XIRP2: variants seen among roughly 807,000 people sequenced by gnomAD.
The protein encoded by XIRP2 is xin actin-binding repeat-containing protein 2.
In XIRP2, 236 loss-of-function variants were observed where a neutral mutation model predicts 277.0. The ratio of observed to expected loss-of-function variants is 0.85; its 90% CI spans 0.77 to 0.95. The LOEUF (loss-of-function observed/expected upper bound fraction) is 0.95. Ranked by LOEUF, XIRP2 falls within the 40% of genes least tolerant of loss-of-function variation. The probability of loss-of-function intolerance (pLI) is 0.00; values close to 1 mark genes in which losing one functional copy is unlikely to be tolerated. For synonymous variants in XIRP2, 1,490 were observed against 1,416.5 expected (o/e 1.05, Z -1.17); for missense variants, 4,640 against 4,157.5 (o/e 1.12, Z -3.19).
rs773863087 is a variant in XIRP2 at position 167,258,086 on chromosome 2, T to G, written c.*269T>G. 6.2e-7 allele frequency: 1 copy of G among 1,613,048 alleles called. No homozygotes were observed. Among genetic ancestry groups the G allele is most frequent in the Non-Finnish European group, 8.5e-7 (1 of 1,179,528 alleles). ...TGTACCTGGAGATCGTAATGAACATTTAGATGCTGGTAACAGTGAAGGGCA... is the reference window on the plus strand; with the variant it reads ...TGTACCTGGAGATCGTAATGAACATGTAGATGCTGGTAACAGTGAAGGGCA... On this transcript the variant is annotated 3_prime_UTR_variant, in exon 11 of 11. Coordinates refer to ENST00000409195, the MANE Select transcript of XIRP2 (RefSeq NM_152381.6).
chr2:166,974,625 C>T (rs557778218), intron 2 of XIRP2, among the ~76,000 whole-genome samples: 17 of 151,854 alleles, frequency 1.1e-4, no homozygotes, highest in African/African-American at 4.1e-4. Flanking sequence ...AGTAGCAATG[C>T]TTCTAGATGA....
At chr2:167,223,495 C>T (rs7603405) in intron 5 of XIRP2, among the ~76,000 whole-genome samples, 22,945 of 152,138 alleles carry the variant, frequency 0.15, 2,142 homozygotes, top group African/African-American at 0.27. Flanking sequence ...CTAGACAATG[C>T]TAGGTCAATA....
In XIRP2 at chr2:167,064,869, G is replaced by A. The variant is rs577981585; in HGVS notation, c.409-71040G>A. ...TAAGGCTGAATAATCTTCCACTATA[G>A]GTATATACCTCATTTTGTTGATCCA... On this transcript the variant is annotated intron_variant, in intron 2 of 10. Transcript: ENST00000409195. Among the ~76,000 whole-genome samples, 62 of 151,848 alleles carry A rather than the reference G, an allele frequency of 4.1e-4. 2 individuals carry two copies. In the South Asian group the frequency reaches 0.012, roughly 30 times the overall value.
At chr2:167,175,670 T>C (rs1692821211) in intron 3 of XIRP2, among the ~76,000 whole-genome samples, 1 of 152,146 alleles carries the variant, frequency 6.6e-6, no homozygotes, top group Admixed American at 6.5e-5. Flanking sequence ...AACGCTGTCC[T>C]TGGAGATGCA....
Position 167,056,768 on chromosome 2 carries a change from C to T in XIRP2, c.409-79141C>T, listed in dbSNP as rs74620142. ...GTCATTTTTTGTCTGAGCTTAGAAA[C>T]ATATATTCTTAATGCAGATGTCTCC... On this transcript the variant is annotated intron_variant, in intron 2 of 10. Coordinates refer to ENST00000409195, the MANE Select transcript of XIRP2 (RefSeq NM_152381.6). 4.7e-3 allele frequency among the ~76,000 whole-genome samples: 721 copies of T among 152,184 alleles called. 2 individuals are homozygous for T. Among genetic ancestry groups the T allele is most frequent in the Non-Finnish European group, 8.4e-3 (573 of 67,996 alleles).
chr2:167,024,006 G>A (rs1159086390), intron 2 of XIRP2, among the ~76,000 whole-genome samples: 1 of 152,112 alleles, frequency 6.6e-6, no homozygotes, highest in Non-Finnish European at 1.5e-5. Flanking sequence ...GTCATTGGTA[G>A]CTTGATGGGG....
At chr2:167,115,493 T>A (rs1472900057) in intron 2 of XIRP2, among the ~76,000 whole-genome samples, 2 of 152,204 alleles carry the variant, frequency 1.3e-5, no homozygotes, top group Non-Finnish European at 2.9e-5. Flanking sequence ...ATTCCTTCAG[T>A]CTTTGAAGTT....
chr2:167,232,451 A>G (rs1183435021), intron 5 of XIRP2, among the ~76,000 whole-genome samples: 1 of 150,842 alleles, frequency 6.6e-6, no homozygotes, highest in Non-Finnish European at 1.5e-5. Context: ...AGAAAAAAAA[A>G]TGTACATATT....
chr2:167,203,848 T>C (rs990365740), intron 3 of XIRP2, among the ~76,000 whole-genome samples: 3 of 152,240 alleles, frequency 2.0e-5, no homozygotes, highest in Admixed American at 2.0e-4. Context: ...TCTGAGCCTA[T>C]GATATGTGTA....
intron 2 of XIRP2, among the ~76,000 whole-genome samples, chr2:167,019,688 C>A (rs1191190444): frequency 1.3e-5 from 2 of 152,002 alleles, no homozygotes; most frequent in East Asian, 3.9e-4. Context: ...AAAAGATTTT[C>A]TCATTGATTA....
At position 167,219,127 on chromosome 2, in the gene XIRP2, G is replaced by A. The variant is rs1307592250; in HGVS notation, c.858+827G>A. On this transcript the variant is annotated intron_variant, in intron 5 of 10. Coordinates refer to ENST00000409195, the MANE Select transcript of XIRP2 (RefSeq NM_152381.6). Reference sequence around the variant, plus strand: ...AAGCAATTGCGTGCTATGTGTGGCAGGGGATGAGGCGGCATATCAGGTAGA... The same window carrying A: ...AAGCAATTGCGTGCTATGTGTGGCAAGGGATGAGGCGGCATATCAGGTAGA... 2.0e-5 allele frequency among the ~76,000 whole-genome samples: 3 copies of A among 152,054 alleles called. No homozygotes were observed. The East Asian group carries it at 5.8e-4, about 29-fold the overall frequency.
chr2:167,257,876 C>T lies in XIRP2; in HGVS notation c.*59C>T, dbSNP rs1187168773. 1.3e-6 allele frequency: 2 copies of T among 1,598,870 alleles called. No individual in the cohort carries two copies. The highest frequency in any genetic ancestry group is 1.1e-5 in the South Asian group (1 of 88,088). On this transcript the variant is annotated 3_prime_UTR_variant, in exon 11 of 11. Transcript: ENST00000409195. ...TGGCAGTTTGGGAAATTATGCATCA[C>T]TTCATGGACAAATATACTGTAAACC...
chr2:167,056,059 TAAGATTTGTTA>T (rs1689029351), intron 2 of XIRP2, among the ~76,000 whole-genome samples: 1 of 152,188 alleles, frequency 6.6e-6, no homozygotes, highest in African/African-American at 2.4e-5. Flanking sequence ...TTCGAAAAGT[TAAGATTTGTTA>T]AAGATATATA....
chr2:167,095,557 A>G, intron 2 of XIRP2, among the ~76,000 whole-genome samples: 1 of 152,162 alleles, frequency 6.6e-6, no homozygotes, highest in Middle Eastern at 3.2e-3. Flanking sequence ...TCTTTTCTGC[A>G]TCTATTGAGA....
Position 167,239,927 on chromosome 2 carries a change from T to C in XIRP2, c.931T>C (p.Ser311Pro). The change falls in exon 6 of 11, where the codon TCC becomes CCC. Residue 311 changes from serine (S) to proline (P), a missense_variant. Transcript: ENST00000409195. ...QEMARNEQEG[S>P]KVQKIDVHGT... ...AATGGCAAGAAATGAACAAGAAGGG[T>C]CCAAAGTACAGAAAATTGATGTTCA... 1 of 1,603,188 alleles carries C rather than the reference T, an allele frequency of 6.2e-7. No individual in the cohort carries two copies. The highest frequency in any genetic ancestry group is 8.5e-7 in the Non-Finnish European group (1 of 1,177,316).
chr2:167,240,425 T>A (rs1695029520), intron 6 of XIRP2, among the ~76,000 whole-genome samples: 1 of 152,004 alleles, frequency 6.6e-6, no homozygotes, highest in Non-Finnish European at 1.5e-5. Flanking sequence ...AATAAATAAA[T>A]AAATGAATGT....
chr2:166,998,587 T>G (rs894269594), intron 2 of XIRP2, among the ~76,000 whole-genome samples: 10 of 151,904 alleles, frequency 6.6e-5, no homozygotes, highest in Non-Finnish European at 2.9e-5. Context: ...CAGTGAGCTG[T>G]GATAGCGCCA....
At chr2:167,074,712 T>C (rs1689518047) in intron 2 of XIRP2, among the ~76,000 whole-genome samples, 1 of 151,876 alleles carries the variant, frequency 6.6e-6, no homozygotes, top group South Asian at 2.1e-4. Context: ...GAATCCCGGC[T>C]CACTGCAACT....
chr2:167,087,738 G>A (rs2105271121), intron 2 of XIRP2, among the ~76,000 whole-genome samples: 1 of 151,792 alleles, frequency 6.6e-6, no homozygotes, highest in Admixed American at 6.5e-5. Flanking sequence ...CTTTGACTCG[G>A]AAAGGGAACT....
Sources: gnomAD v4.1 joint callset for allele counts (sites outside exome capture counted in the v4.1 genomes callset) on GRCh38, gnomAD v4.1.1 for gene constraint, MANE v1.5 for transcripts, NCBI Gene and HGNC (gene_info 2026-07-23, HGNC 2026-07-21) for gene names.